Variants in ITGB1 observed in about 807,000 individuals in gnomAD.
ITGB1 encodes integrin beta-1.
In ITGB1, 24 loss-of-function variants were observed where a neutral mutation model predicts 86.5. That is an observed-to-expected ratio of 0.28 (90% CI 0.20 to 0.39). The LOEUF is 0.39. Ranked by LOEUF, ITGB1 falls within the 10% of genes least tolerant of loss-of-function variation. The pLI is 1.00. For synonymous variants in ITGB1, 323 were observed against 316.8 expected, an observed-to-expected ratio of 1.02 and a Z score of -0.21; for missense variants, 556 against 946.9, an observed-to-expected ratio of 0.59 and a Z score of 5.42.
At chr10:32,956,344 G>A (rs1187073) in intron 1 of ITGB1, among the ~76,000 whole-genome samples, 127,093 of 151,784 alleles carry the variant, frequency 0.84, 53,720 homozygotes, top group Non-Finnish European at 0.9. Flanking sequence ...TTTAAGAAAG[G>A]TGTCTAATCT....
At chr10:32,943,122 A>C (rs1172916127) in intron 1 of ITGB1, among the ~76,000 whole-genome samples, 1 of 152,224 alleles carries the variant, frequency 6.6e-6, no homozygotes, top group African/African-American at 2.4e-5. Flanking sequence ...AATGTGCAGA[A>C]CTTCTCTAAA....
intron 9 of ITGB1, among the ~76,000 whole-genome samples, 189 bp from the exon 10 acceptor site, chr10:32,920,574 A>C (rs1040294138): frequency 7.9e-5 from 12 of 152,212 alleles, no homozygotes; most frequent in Admixed American, 2.6e-4. Context: ...CAAATCTTTA[A>C]AATAAAATAC....
In ITGB1 at chr10:32,911,684, T is replaced by G. The variant is rs984532327; in HGVS notation, c.1709-14A>C. ...AAACACCATTTCCTGCAATTAAGCA[T>G]ATCATTTCTCAAAATGGTAAAAATA... On this transcript the variant is annotated splice_polypyrimidine_tract_variant and intron_variant, in intron 12 of 15. Coordinates refer to ENST00000302278, the MANE Select transcript of ITGB1 (RefSeq NM_002211.4). 1 of 1,611,210 alleles carries G rather than the reference T, an allele frequency of 6.2e-7. No homozygotes were observed. The highest frequency in any genetic ancestry group is 8.5e-7 in the Non-Finnish European group (1 of 1,177,478).
intron 1 of ITGB1, among the ~76,000 whole-genome samples, chr10:32,957,360 TAG>T (rs2095054463): frequency 1.3e-5 from 2 of 152,284 alleles, no homozygotes; most frequent in South Asian, 4.1e-4. Context: ...AAAATGATAC[TAG>T]ACACAGGCCG....
chr10:32,902,177 C>T (rs2094883674), intron 15 of ITGB1, among the ~76,000 whole-genome samples: 1 of 152,206 alleles, frequency 6.6e-6, no homozygotes, highest in Admixed American at 6.5e-5. Flanking sequence ...CACCAAGTCA[C>T]ACTGCCAAAT....
chr10:32,939,492 TCTACGGTA>T (rs1408201725), intron 1 of ITGB1, among the ~76,000 whole-genome samples: 1 of 152,182 alleles, frequency 6.6e-6, no homozygotes, highest in Non-Finnish European at 1.5e-5. Context: ...ACATCCAGGC[TCTACGGTA>T]CAGCCTATTG....
intron 11 of ITGB1, among the ~76,000 whole-genome samples, chr10:32,917,957 A>G (rs1593862178): frequency 6.6e-6 from 1 of 152,232 alleles, no homozygotes; most frequent in Non-Finnish European, 1.5e-5. Flanking sequence ...ATGTCCATCA[A>G]TGATAGACTG....
intron 1 of ITGB1, among the ~76,000 whole-genome samples, chr10:32,939,192 G>A (rs1008591467): frequency 3.3e-5 from 5 of 152,170 alleles, no homozygotes; most frequent in South Asian, 2.1e-4. Context: ...AGGACCTGAA[G>A]GGGTTTCCTC....
chr10:32,904,804 T>C (rs2094891682), intron 15 of ITGB1, among the ~76,000 whole-genome samples: 1 of 152,198 alleles, frequency 6.6e-6, no homozygotes, highest in Non-Finnish European at 1.5e-5. Flanking sequence ...TTACCAAACT[T>C]CTGCTTCCTG....
chr10:32,900,323 T>C lies in ITGB1; in HGVS notation c.*1247A>G, dbSNP rs1268765707. 1 of 152,484 alleles carries C rather than the reference T, an allele frequency of 6.6e-6. No individual in the cohort carries two copies. Among genetic ancestry groups the C allele is most frequent in the Non-Finnish European group, 1.5e-5 (1 of 68,024 alleles). 9.4% of individuals were successfully genotyped at this position (152,484 alleles called of 1,614,324 possible). On this transcript the variant is annotated 3_prime_UTR_variant, in exon 16 of 16. Coordinates refer to ENST00000302278, the MANE Select transcript of ITGB1 (RefSeq NM_002211.4). ...AACTACCCACCAACCAGAAATGCTT[T>C]TCCTCAACTTCTTTAATCTATAAAA...
intron 1 of ITGB1, among the ~76,000 whole-genome samples, chr10:32,938,829 T>C (rs2095010665): frequency 1.3e-5 from 2 of 152,020 alleles, no homozygotes; most frequent in South Asian, 4.2e-4. Flanking sequence ...TGACTCCAAT[T>C]AAGAACACAG....
intron 1 of ITGB1, among the ~76,000 whole-genome samples, chr10:32,938,531 C>G (rs1338076392): frequency 6.6e-6 from 1 of 152,234 alleles, no homozygotes; most frequent in East Asian, 1.9e-4. Flanking sequence ...CTTTAAATGT[C>G]ACTGTCCTTT....
intron 6 of ITGB1, among the ~76,000 whole-genome samples, chr10:32,924,741 C>T (rs1259694014): frequency 2.0e-5 from 3 of 152,208 alleles, no homozygotes; most frequent in African/African-American, 4.8e-5. Context: ...ACCTGGAATG[C>T]TACTTGCTTC....
Position 32,923,595 on chromosome 10 carries a change from C to A in ITGB1, c.932G>T (p.Ser311Ile). ...GAACCAGGCACTTACATAATAATGG[C>A]TCATTGTGTACATATTATTTTCCAG... Reference protein sequence around the residue: ...CHLENNMYTMSHYYDYPSIAH... With the variant: ...CHLENNMYTMIHYYDYPSIAH... The change falls in exon 7 of 16, where the codon AGC becomes ATC. Residue 311 changes from serine (S) to isoleucine (I), a missense_variant. Physicochemically the swap from Ser to Ile is moderately radical, Grantham distance 142. This residue lies in a region of ITGB1 where 330 missense variants were observed against 531.5 expected (regional missense o/e 0.62). Coordinates refer to ENST00000302278, the MANE Select transcript of ITGB1 (RefSeq NM_002211.4). 6.2e-7 allele frequency: 1 copy of A among 1,611,526 alleles called. No homozygotes were observed. Among genetic ancestry groups the A allele is most frequent in the Non-Finnish European group, 8.5e-7 (1 of 1,178,760 alleles).
At chr10:32,956,633 C>T (rs1026805963) in intron 1 of ITGB1, among the ~76,000 whole-genome samples, 4 of 152,018 alleles carry the variant, frequency 2.6e-5, no homozygotes. Context: ...ACTTAAGCCT[C>T]GGAGGTTGAG....
intron 8 of ITGB1, 33 bp downstream of exon 8, chr10:32,922,607 T>C (rs1477692569): frequency 1.5e-6 from 2 of 1,326,276 alleles, no homozygotes; most frequent in Admixed American, 3.7e-5. Context: ...CAAAAATGTT[T>C]AGAATCTTGT....
intron 6 of ITGB1, among the ~76,000 whole-genome samples, chr10:32,925,238 T>A (rs562058091): frequency 2.0e-5 from 3 of 152,312 alleles, no homozygotes; most frequent in Non-Finnish European, 2.9e-5. Flanking sequence ...AGCTGCTACA[T>A]GGATCATAAA....
chr10:32,916,770 G>A (rs1331066525), intron 11 of ITGB1, among the ~76,000 whole-genome samples: 1 of 152,126 alleles, frequency 6.6e-6, no homozygotes, highest in Non-Finnish European at 1.5e-5. Flanking sequence ...TACTGCCCAA[G>A]GTAATTTAGA....
chr10:32,909,880 A>C (rs1326612490), intron 14 of ITGB1, among the ~76,000 whole-genome samples: 2 of 152,202 alleles, frequency 1.3e-5, no homozygotes, highest in Non-Finnish European at 2.9e-5. Flanking sequence ...ATTCAAGCTT[A>C]AATCAAGCTC....
Sources: allele counts gnomAD v4.1 joint callset (sites outside exome capture counted in the v4.1 genomes callset), GRCh38; gene constraint gnomAD v4.1.1; regional missense constraint gnomAD v4.1.1; transcripts MANE v1.5; gene names NCBI Gene and HGNC (gene_info 2026-07-23, HGNC 2026-07-21).